The following CACNA1C variants were observed in gnomAD, a reference collection of about 807,000 sequenced individuals.
CACNA1C encodes the protein calcium voltage-gated channel subunit alpha1 C.
CACNA1C carries 30 observed loss-of-function variants against 229.0 expected under a neutral mutation model. The observed-to-expected ratio is 0.13, with a 90% CI of 0.10 to 0.18. The LOEUF (loss-of-function observed/expected upper bound fraction) is 0.18. Among genes scored for constraint, CACNA1C ranks in the 10% least tolerant of loss-of-function variants. The probability of loss-of-function intolerance (pLI) is 1.00; values close to 1 mark genes in which losing one functional copy is unlikely to be tolerated. For synonymous variants in CACNA1C, 1,114 were observed against 1,132.5 expected (o/e 0.98, Z 0.33); for missense variants, 1,658 against 2,845.0 (o/e 0.58, Z 9.49).
chr12:2,554,181 C>G (rs1225642517), intron 10 of CACNA1C, among the ~76,000 whole-genome samples: 1 of 152,024 alleles, frequency 6.6e-6, no homozygotes, highest in East Asian at 1.9e-4. Context: ...AACTGAGTAA[C>G]TAGGGGAAAA....
chr12:2,112,598 C>T (rs2082192152), intron 1 of CACNA1C, among the ~76,000 whole-genome samples: 1 of 152,044 alleles, frequency 6.6e-6, no homozygotes, highest in African/African-American at 2.4e-5. Context: ...GGAGTGGAGG[C>T]GGGGCTGTAA....
intron 42 of CACNA1C, chr12:2,681,900 G>C: frequency 9.7e-7 from 1 of 1,032,462 alleles, no homozygotes; most frequent in Non-Finnish European, 1.5e-6. Flanking sequence ...GACAGGAAAA[G>C]GAAGAGGCCT....
intron 1 of CACNA1C, among the ~76,000 whole-genome samples, chr12:2,035,766 A>G (rs1339805902): frequency 6.6e-6 from 1 of 152,230 alleles, no homozygotes; most frequent in Non-Finnish European, 1.5e-5. Context: ...AAACCATCTC[A>G]GACAGATGGT....
At position 2,691,441 on chromosome 12, in the gene CACNA1C, T is replaced by C. The variant is rs1256378955; in HGVS notation, c.*242T>C. The C allele has an allele frequency of 5.8e-5, 23 of 396,224 alleles. No homozygotes were observed. The highest frequency in any genetic ancestry group is 9.2e-5 in the Non-Finnish European group (21 of 228,978). 24.5% of individuals were successfully genotyped at this position (396,224 alleles called of 1,614,324 possible). ...GGTCCCGGGGCGCGAGGAAGGCGCCTGCCCTCTCCCAGCTCGCAGGCCCCG... is the reference window on the plus strand; with the variant it reads ...GGTCCCGGGGCGCGAGGAAGGCGCCCGCCCTCTCCCAGCTCGCAGGCCCCG... On this transcript the variant is annotated 3_prime_UTR_variant, in exon 47 of 47. Coordinates refer to ENST00000399655, the MANE Select transcript of CACNA1C (RefSeq NM_000719.7).
At chr12:2,515,246 C>T (rs1354344156) in intron 9 of CACNA1C, among the ~76,000 whole-genome samples, 3 of 152,086 alleles carry the variant, frequency 2.0e-5, no homozygotes, top group Non-Finnish European at 2.9e-5. Flanking sequence ...TGAAGTGGAA[C>T]GTGAGAGACA....
chr12:2,522,827 G>T (rs1234181673), intron 9 of CACNA1C, among the ~76,000 whole-genome samples: 1 of 152,184 alleles, frequency 6.6e-6, no homozygotes, highest in African/African-American at 2.4e-5. Flanking sequence ...TCTTGCCCAA[G>T]ATCATCTCAC....
At chr12:2,676,241 C>T (rs574048722) in intron 39 of CACNA1C, 2 of 152,250 alleles carry the variant, frequency 1.3e-5, no homozygotes, top group African/African-American at 4.8e-5. Context: ...TTTTTCCCTC[C>T]CACGTGGAAA....
intron 4 of CACNA1C, among the ~76,000 whole-genome samples, chr12:2,450,356 C>G (rs1040775830): frequency 5.3e-5 from 8 of 151,710 alleles, no homozygotes; most frequent in African/African-American, 1.2e-4. Context: ...AGATCGAGAC[C>G]ATCCTGGCTA....
intron 42 of CACNA1C, chr12:2,680,350 C>T (rs1196653713): frequency 6.5e-7 from 1 of 1,530,836 alleles, no homozygotes; most frequent in African/African-American, 1.4e-5. Flanking sequence ...GTCCTCTCAT[C>T]CCTGTGCTCT....
At chr12:2,640,592 AAG>A (rs566244505) in intron 30 of CACNA1C, among the ~76,000 whole-genome samples, 1 of 152,200 alleles carries the variant, frequency 6.6e-6, no homozygotes, top group Non-Finnish European at 1.5e-5. Flanking sequence ...CAGCTGAAGA[AAG>A]AGACTGGGAG....
At chr12:2,497,555 C>G (rs1401802766) in intron 7 of CACNA1C, among the ~76,000 whole-genome samples, 3 of 152,102 alleles carry the variant, frequency 2.0e-5, no homozygotes, top group African/African-American at 7.2e-5. Flanking sequence ...TCTGGGATCC[C>G]CAAGAATGTT....
intron 3 of CACNA1C, among the ~76,000 whole-genome samples, chr12:2,244,298 A>G (rs1437706489): frequency 2.0e-5 from 3 of 152,280 alleles, no homozygotes; most frequent in Admixed American, 6.5e-5. Flanking sequence ...GCTCATTACC[A>G]CTAGCCCAGG....
At chr12:2,262,796 C>G (rs2080834987) in intron 3 of CACNA1C, among the ~76,000 whole-genome samples, 1 of 152,158 alleles carries the variant, frequency 6.6e-6, no homozygotes, top group Admixed American at 6.5e-5. Context: ...CTCCTTGCCC[C>G]TGCTTTTTAA....
chr12:2,268,024 T>G (rs2083100321), intron 3 of CACNA1C, among the ~76,000 whole-genome samples: 1 of 152,094 alleles, frequency 6.6e-6, no homozygotes, highest in African/African-American at 2.4e-5. Context: ...AAGAAGCAGG[T>G]TTTTAGGTTC....
At chr12:2,312,688 G>A (rs1382108768) in intron 3 of CACNA1C, among the ~76,000 whole-genome samples, 2 of 152,100 alleles carry the variant, frequency 1.3e-5, no homozygotes. Context: ...TCAGAGAGGG[G>A]TATGGGAATT....
intron 18 of CACNA1C, among the ~76,000 whole-genome samples, chr12:2,586,784 G>A (rs986576403): frequency 6.6e-6 from 1 of 152,146 alleles, no homozygotes; most frequent in Non-Finnish European, 1.5e-5. Context: ...GCATCCTTGG[G>A]AACCAGACTC....
intron 8 of CACNA1C, among the ~76,000 whole-genome samples, chr12:2,508,304 G>A (rs1482648918): frequency 6.6e-6 from 1 of 152,234 alleles, no homozygotes; most frequent in Non-Finnish European, 1.5e-5. Flanking sequence ...GGTGCTTGGT[G>A]TGTTGTGCTT....
At chr12:2,208,331 C>T (rs1039754089) in intron 3 of CACNA1C, among the ~76,000 whole-genome samples, 4 of 152,346 alleles carry the variant, frequency 2.6e-5, no homozygotes, top group African/African-American at 4.8e-5. Context: ...AGCTAGACAA[C>T]GCACTGCTCA....
At chr12:2,593,463 T>C (rs2066458094) in intron 19 of CACNA1C, 118 bp downstream of exon 19, 1 of 1,029,358 alleles carries the variant, frequency 9.7e-7, no homozygotes, top group Admixed American at 2.6e-5. Flanking sequence ...TCCTTGCAAA[T>C]TGTATAAACA....
Sources: allele counts gnomAD v4.1 joint callset (sites outside exome capture counted in the v4.1 genomes callset), GRCh38; gene constraint gnomAD v4.1.1; transcripts MANE v1.5; gene names NCBI Gene and HGNC (gene_info 2026-07-23, HGNC 2026-07-21).